Variants in AP2B1 observed in about 807,000 individuals in gnomAD.
The protein encoded by AP2B1 is adaptor related protein complex 2 subunit beta 1.
In AP2B1, 23 loss-of-function variants were observed where a neutral mutation model predicts 102.0. That is an observed-to-expected ratio of 0.23 (90% CI 0.16 to 0.32). The LOEUF is 0.32. Among genes scored for constraint, AP2B1 ranks in the 10% least tolerant of loss-of-function variants. AP2B1 has a pLI of 1.00. For missense variants in AP2B1, 541 were observed against 1,157.4 expected (o/e 0.47, Z 7.73); for synonymous variants, 381 against 421.2 (o/e 0.90, Z 1.17).
intron 11 of AP2B1, 47 bp downstream of exon 11, chr17:35,639,807 G>A: frequency 6.4e-7 from 1 of 1,561,520 alleles, no homozygotes. Context: ...GATGTCTTTG[G>A]GGAGATTTCA....
intron 15 of AP2B1, among the ~76,000 whole-genome samples, chr17:35,671,291 C>T (rs895085585): frequency 1.3e-5 from 2 of 152,126 alleles, no homozygotes; most frequent in African/African-American, 4.8e-5. Context: ...GTGTGAATGT[C>T]CATCTCCCTG....
chr17:35,700,187 C>T (rs1478074857), intron 18 of AP2B1, among the ~76,000 whole-genome samples: 1 of 151,694 alleles, frequency 6.6e-6, no homozygotes, highest in Non-Finnish European at 1.5e-5. Context: ...TAATTTAACT[C>T]CAGCACCTAG....
rs769465311 is a variant in AP2B1 at position 35,627,411 on chromosome 17, A to G, written c.965A>G (p.Lys322Arg). The G allele has an allele frequency of 1.2e-6, 2 of 1,613,930 alleles. No homozygotes were observed. Among genetic ancestry groups the G allele is most frequent in the Non-Finnish European group, 1.7e-6 (2 of 1,179,960 alleles). The change falls in exon 8 of 22, where the codon AAA becomes AGA. Residue 322 changes from lysine (K) to arginine (R), a missense_variant. Physicochemically the swap from Lys to Arg is conservative, Grantham distance 26. Transcript: ENST00000610402. The part of the protein sequence containing the change: ...KRPEILKQEI[K>R]VFFVKYNDPI... ...CCTGAAATCTTGAAGCAGGAAATCA[A>G]AGTCTTCTTTGTGAAGTACAATGAT...
intron 12 of AP2B1, 28 bp from the exon 13 acceptor site, chr17:35,650,502 C>G: frequency 6.2e-7 from 1 of 1,607,512 alleles, no homozygotes; most frequent in Non-Finnish European, 8.5e-7. Context: ...GTTTCATCTC[C>G]ACCTCCTTGC....
At chr17:35,707,247 G>T (rs2076360219) in intron 18 of AP2B1, among the ~76,000 whole-genome samples, 1 of 150,780 alleles carries the variant, frequency 6.6e-6, no homozygotes, top group Non-Finnish European at 1.5e-5. Flanking sequence ...TTGCCTCCCA[G>T]GTTCAAGCGA....
At chr17:35,606,679 C>T (rs1406075079) in intron 4 of AP2B1, among the ~76,000 whole-genome samples, 1 of 152,106 alleles carries the variant, frequency 6.6e-6, no homozygotes, top group Non-Finnish European at 1.5e-5. Flanking sequence ...TACATATTTT[C>T]TGACCTCCAA....
At chr17:35,603,563 A>G (rs1323933782) in intron 3 of AP2B1, among the ~76,000 whole-genome samples, 3 of 152,240 alleles carry the variant, frequency 2.0e-5, no homozygotes, top group African/African-American at 7.2e-5. Context: ...TGTTAAAAAA[A>G]TAATTTCACT....
At chr17:35,600,989 A>G (rs1477335919) in intron 3 of AP2B1, 2 of 985,258 alleles carry the variant, frequency 2.0e-6, no homozygotes, top group Non-Finnish European at 2.4e-6. Context: ...TTGTTAGCAC[A>G]TAAAGCACAT....
intron 1 of AP2B1, among the ~76,000 whole-genome samples, chr17:35,592,275 AGT>A (rs1281161982): frequency 6.6e-6 from 1 of 152,142 alleles, no homozygotes; most frequent in Non-Finnish European, 1.5e-5. Flanking sequence ...GTTGGTGATA[AGT>A]ATTATTAGTG....
chr17:35,639,957 T>C (rs1054714085), intron 11 of AP2B1, among the ~76,000 whole-genome samples, 197 bp downstream of exon 11: 3 of 152,192 alleles, frequency 2.0e-5, no homozygotes, highest in Admixed American at 2.0e-4. Flanking sequence ...CGCTTTGTTG[T>C]CCAGGCTGGA....
intron 1 of AP2B1, among the ~76,000 whole-genome samples, chr17:35,590,349 G>A (rs901680974): frequency 6.6e-5 from 10 of 152,108 alleles, no homozygotes; most frequent in Admixed American, 6.6e-4. Context: ...GAGATACACT[G>A]AATCATATAT....
chr17:35,611,464 CGTGT>C (rs150048485), intron 5 of AP2B1, among the ~76,000 whole-genome samples: 17 of 151,154 alleles, frequency 1.1e-4, no homozygotes, highest in East Asian at 1.9e-4. Context: ...GCAGTAAAGT[CGTGT>C]GTGTGTGTGT....
At chr17:35,647,656 A>G (rs2074972239) in intron 12 of AP2B1, among the ~76,000 whole-genome samples, 1 of 152,088 alleles carries the variant, frequency 6.6e-6, no homozygotes, top group African/African-American at 2.4e-5. Flanking sequence ...TTAACCACCA[A>G]TCCATTATGA....
intron 20 of AP2B1, among the ~76,000 whole-genome samples, chr17:35,714,627 G>A (rs1204886344): frequency 4.6e-5 from 7 of 152,128 alleles, no homozygotes; most frequent in African/African-American, 1.7e-4. Context: ...GGAGGATAAT[G>A]TGAGCCTGGG....
intron 12 of AP2B1, among the ~76,000 whole-genome samples, chr17:35,645,450 G>A (rs897571172): frequency 6.6e-6 from 1 of 151,988 alleles, no homozygotes; most frequent in South Asian, 2.1e-4. Flanking sequence ...ATTAGTTAGG[G>A]GGAAAAACCC....
chr17:35,590,421 C>T (rs1261322568), intron 1 of AP2B1, among the ~76,000 whole-genome samples: 1 of 152,108 alleles, frequency 6.6e-6, no homozygotes, highest in Non-Finnish European at 1.5e-5. Context: ...TTAAGGCATA[C>T]AGTTCAGTGG....
chr17:35,717,411 T>G (rs1232294764), intron 21 of AP2B1, 62 bp downstream of exon 21: 1 of 1,584,418 alleles, frequency 6.3e-7, no homozygotes, highest in African/African-American at 1.3e-5. Flanking sequence ...CCCTTTCATG[T>G]TTACTTAGCA....
intron 14 of AP2B1, among the ~76,000 whole-genome samples, chr17:35,660,640 G>A (rs183747868): frequency 2.7e-4 from 41 of 151,922 alleles, no homozygotes; most frequent in African/African-American, 9.7e-4. Flanking sequence ...CCGCCACCAC[G>A]CCCGGCTAAT....
chr17:35,704,941 G>C (rs587601736), intron 18 of AP2B1, among the ~76,000 whole-genome samples: 2 of 152,292 alleles, frequency 1.3e-5, no homozygotes, highest in South Asian at 4.1e-4. Flanking sequence ...TGAGGCAGGA[G>C]AATCGCTTGA....
Sources: gnomAD v4.1 joint callset for allele counts (sites outside exome capture counted in the v4.1 genomes callset) on GRCh38, gnomAD v4.1.1 for gene constraint, MANE v1.5 for transcripts, NCBI Gene and HGNC (gene_info 2026-07-23, HGNC 2026-07-21) for gene names.